Variants in SNX29 observed in about 807,000 individuals in gnomAD.
The protein encoded by SNX29 is sorting nexin 29.
In SNX29, 78 loss-of-function variants were observed where a neutral mutation model predicts 102.1. The ratio of observed to expected loss-of-function variants is 0.76; its 90% confidence interval spans 0.64 to 0.92. The LOEUF is 0.92. SNX29 is among the 40% of genes least tolerant of loss of function. The probability of loss-of-function intolerance (pLI) is 0.00; values close to 1 mark genes in which losing one functional copy is unlikely to be tolerated. For synonymous variants in SNX29, 580 were observed against 414.5 expected (o/e 1.40, Z -4.85); for missense variants, 1,280 against 1,061.7 (o/e 1.21, Z -2.86).
intron 18 of SNX29, among the ~76,000 whole-genome samples, chr16:12,424,632 A>G (rs1443028629): frequency 6.6e-6 from 1 of 152,158 alleles, no homozygotes; most frequent in Non-Finnish European, 1.5e-5. Context: ...TGCAGGAGAG[A>G]AGTAGCTTAT....
intron 3 of SNX29, among the ~76,000 whole-genome samples, chr16:12,024,403 G>A (rs34321532): frequency 6.6e-6 from 1 of 151,796 alleles, no homozygotes; most frequent in Admixed American, 6.6e-5. Context: ...GCCTTGGCCT[G>A]CCAAAGTGCT....
At chr16:12,091,643 T>G (rs2151405242) in intron 11 of SNX29, among the ~76,000 whole-genome samples, 1 of 151,766 alleles carries the variant, frequency 6.6e-6, no homozygotes, top group East Asian at 1.9e-4. Flanking sequence ...AAATTAGACT[T>G]GGTGGTGCGT....
At chr16:12,438,157 G>A (rs915373605) in intron 18 of SNX29, among the ~76,000 whole-genome samples, 1 of 151,902 alleles carries the variant, frequency 6.6e-6, no homozygotes, top group African/African-American at 2.4e-5. Context: ...GAGTAGGGGG[G>A]CATCTCTGGA....
intron 15 of SNX29, among the ~76,000 whole-genome samples, chr16:12,342,754 C>A (rs1489268810): frequency 6.6e-6 from 1 of 152,224 alleles, no homozygotes; most frequent in African/African-American, 2.4e-5. Flanking sequence ...CAGCAAGTTA[C>A]TGGCAGACTG....
chr16:12,397,445 C>T (rs1431419637), intron 16 of SNX29, among the ~76,000 whole-genome samples: 1 of 152,162 alleles, frequency 6.6e-6, no homozygotes, highest in Non-Finnish European at 1.5e-5. Flanking sequence ...AGAATGATAC[C>T]TGTCCTCAGG....
At chr16:12,530,561 G>A (rs1047107743) in intron 20 of SNX29, among the ~76,000 whole-genome samples, 1 of 145,948 alleles carries the variant, frequency 6.9e-6, no homozygotes, top group African/African-American at 2.5e-5. Flanking sequence ...TTTGTTTTTT[G>A]TTTTTTTTGG....
At chr16:12,086,281 G>C (rs2052182932) in intron 11 of SNX29, among the ~76,000 whole-genome samples, 1 of 152,128 alleles carries the variant, frequency 6.6e-6, no homozygotes, top group Non-Finnish European at 1.5e-5. Flanking sequence ...TGGGATTACA[G>C]GCGTGAGCCA....
At chr16:12,446,787 G>C (rs995764411) in intron 18 of SNX29, among the ~76,000 whole-genome samples, 3 of 152,120 alleles carry the variant, frequency 2.0e-5, no homozygotes, top group African/African-American at 7.2e-5. Context: ...CTCTCAATAT[G>C]AAATGGCCGT....
chr16:12,306,326 G>A (rs1384774017), intron 15 of SNX29, among the ~76,000 whole-genome samples: 1 of 151,168 alleles, frequency 6.6e-6, no homozygotes, highest in African/African-American at 2.4e-5. Flanking sequence ...TCATGAGGAT[G>A]AATGGTTTTA....
chr16:12,116,476 C>G (rs1300581523), intron 11 of SNX29, among the ~76,000 whole-genome samples: 1 of 152,170 alleles, frequency 6.6e-6, no homozygotes, highest in Non-Finnish European at 1.5e-5. Flanking sequence ...AGTTTGAGAC[C>G]AGCCTGGCCA....
At chr16:12,403,194 G>A (rs1227857088) in intron 17 of SNX29, among the ~76,000 whole-genome samples, 1 of 84,664 alleles carries the variant, frequency 1.2e-5, no homozygotes, top group African/African-American at 5.9e-5. Context: ...AGTACAGATT[G>A]TGTGTGTATG....
At chr16:12,494,299 C>G (rs538911093) in intron 19 of SNX29, among the ~76,000 whole-genome samples, 2 of 152,174 alleles carry the variant, frequency 1.3e-5, no homozygotes, top group Non-Finnish European at 2.9e-5. Context: ...GGCCCCCGTT[C>G]CCTTTGCAGC....
chr16:12,066,329 C>A (rs1410293165), intron 9 of SNX29, among the ~76,000 whole-genome samples: 2 of 152,096 alleles, frequency 1.3e-5, no homozygotes, highest in Admixed American at 6.6e-5. Context: ...AGGAGGAGGT[C>A]ATTTTGGGGG....
intron 18 of SNX29, among the ~76,000 whole-genome samples, chr16:12,437,316 A>C: frequency 6.6e-6 from 1 of 150,432 alleles, no homozygotes; most frequent in Non-Finnish European, 1.5e-5. Flanking sequence ...GGTGTCACAC[A>C]CTGTGCTCTC....
intron 14 of SNX29, among the ~76,000 whole-genome samples, chr16:12,254,497 C>T (rs903984595): frequency 6.6e-6 from 1 of 152,128 alleles, no homozygotes; most frequent in African/African-American, 2.4e-5. Context: ...AAAAATGAGT[C>T]AGGCGTGGTG....
intron 14 of SNX29, among the ~76,000 whole-genome samples, chr16:12,216,876 C>T (rs1270641779): frequency 1.3e-5 from 2 of 152,164 alleles, no homozygotes; most frequent in Non-Finnish European, 2.9e-5. Context: ...TGCAGTTTGC[C>T]CACGACACTT....
intron 1 of SNX29, among the ~76,000 whole-genome samples, chr16:11,980,473 G>A (rs1178989092): frequency 6.6e-6 from 1 of 152,082 alleles, no homozygotes; most frequent in African/African-American, 2.4e-5. Flanking sequence ...TGCTATGAAC[G>A]TTCACGCACA....
At chr16:12,425,937 A>C (rs1271311770) in intron 18 of SNX29, among the ~76,000 whole-genome samples, 1 of 152,154 alleles carries the variant, frequency 6.6e-6, no homozygotes, top group Non-Finnish European at 1.5e-5. Context: ...ACTCTCTTGC[A>C]GGCAGACAGA....
At chr16:12,540,642 C>G (rs1009589077) in intron 20 of SNX29, among the ~76,000 whole-genome samples, 2 of 152,170 alleles carry the variant, frequency 1.3e-5, no homozygotes, top group Non-Finnish European at 2.9e-5. Context: ...ATCATCTCCC[C>G]ATCTCAAAAG....
Sources: allele counts gnomAD v4.1 joint callset (sites outside exome capture counted in the v4.1 genomes callset), GRCh38; gene constraint gnomAD v4.1.1; transcripts MANE v1.5; gene names NCBI Gene and HGNC (gene_info 2026-07-23, HGNC 2026-07-21).